The following PTTG1IP2 variants were observed in gnomAD, a reference collection of about 807,000 sequenced individuals.
PTTG1IP2 encodes the protein PTTG1IP family member 2.
At chr7:90,494,860 A>T (rs1410862882) in intron 6 of PTTG1IP2, among the ~76,000 whole-genome samples, 1 of 152,194 alleles carries the variant, frequency 6.6e-6, no homozygotes, top group Non-Finnish European at 1.5e-5. Flanking sequence ...ACAATAAAAA[A>T]TTAGCTGGGC....
intron 1 of PTTG1IP2, among the ~76,000 whole-genome samples, chr7:90,474,288 A>G (rs1488974909): frequency 6.6e-6 from 1 of 152,230 alleles, no homozygotes; most frequent in East Asian, 1.9e-4. Context: ...TGGCTGTCCT[A>G]TATGCAGTCT....
intron 6 of PTTG1IP2, among the ~76,000 whole-genome samples, chr7:90,508,176 A>G (rs1047637068): frequency 1.3e-5 from 2 of 151,796 alleles, no homozygotes; most frequent in Admixed American, 6.6e-5. Context: ...CTGAGGTGCA[A>G]CGATTGCTTC....
chr7:90,472,231 AC>A (rs1321209366), intron 1 of PTTG1IP2, among the ~76,000 whole-genome samples: 5 of 151,846 alleles, frequency 3.3e-5, no homozygotes, highest in Non-Finnish European at 7.4e-5. Context: ...AACTATGTAA[AC>A]CCTGCACAGC....
intron 6 of PTTG1IP2, among the ~76,000 whole-genome samples, chr7:90,500,533 G>C (rs1365498802): frequency 6.6e-6 from 1 of 152,196 alleles, no homozygotes; most frequent in Non-Finnish European, 1.5e-5. Context: ...TTGCCTGCAG[G>C]AGTTAACTGG....
intron 6 of PTTG1IP2, among the ~76,000 whole-genome samples, chr7:90,512,792 T>C (rs1043484596): frequency 1.3e-5 from 2 of 152,238 alleles, no homozygotes; most frequent in African/African-American, 4.8e-5. Flanking sequence ...TTTTGGACGA[T>C]ATTATTCTAC....
intron 6 of PTTG1IP2, among the ~76,000 whole-genome samples, chr7:90,507,837 AGCCTATTAT>A (rs1389310169): frequency 2.0e-5 from 3 of 152,186 alleles, no homozygotes; most frequent in Non-Finnish European, 4.4e-5. Flanking sequence ...ACCTATTATG[AGCCTATTAT>A]GTCACTGTAA....
At chr7:90,490,150 A>AT (rs1305347958) in intron 4 of PTTG1IP2, among the ~76,000 whole-genome samples, 3 of 151,978 alleles carry the variant, frequency 2.0e-5, no homozygotes, top group African/African-American at 4.8e-5. Flanking sequence ...TTTAGGGTTG[A>AT]TTTTTTCCTT....
intron 1 of PTTG1IP2, among the ~76,000 whole-genome samples, chr7:90,472,466 A>G (rs1797703220): frequency 6.6e-6 from 1 of 152,238 alleles, no homozygotes; most frequent in Non-Finnish European, 1.5e-5. Flanking sequence ...ATGAAATTAA[A>G]AGGCAGATAG....
intron 2 of PTTG1IP2, among the ~76,000 whole-genome samples, chr7:90,480,587 A>G (rs560774293): frequency 2.7e-4 from 41 of 152,224 alleles, no homozygotes; most frequent in African/African-American, 9.9e-4. Context: ...TTAAGCATAT[A>G]TTTCTAATTG....
chr7:90,510,455 A>T (rs1221123981), intron 6 of PTTG1IP2, among the ~76,000 whole-genome samples: 1 of 152,218 alleles, frequency 6.6e-6, no homozygotes, highest in African/African-American at 2.4e-5. Flanking sequence ...AGGGAGAATC[A>T]TGTACACACC....
rs371958651 is a variant in PTTG1IP2 at position 90,483,734 on chromosome 7, C to T, written c.193-3593C>T. On this transcript the variant is annotated intron_variant, in intron 2 of 6. Coordinates refer to ENST00000509356, the MANE Select transcript of PTTG1IP2 (RefSeq NM_001365443.2). ...ATTCCTTTTGGAAACTTGCTCCTTC[C>T]TTGGCAATCTTGGCTTTATACAGGC... is the stretch of plus-strand genomic sequence containing the variant. Among the ~76,000 whole-genome samples, 96 of 152,288 alleles carry T rather than the reference C, an allele frequency of 6.3e-4. 1 individual carries two copies. The highest frequency in any genetic ancestry group is 2.3e-3 in the African/African-American group (94 of 41,560).
At chr7:90,506,008 A>G (rs78889238) in intron 6 of PTTG1IP2, among the ~76,000 whole-genome samples, 2 of 138,264 alleles carry the variant, frequency 1.4e-5, no homozygotes, top group Non-Finnish European at 3.0e-5. Context: ...AAAAAAAAAA[A>G]AAAAAAAAAA....
At chr7:90,492,058 G>A (rs941517120) in intron 4 of PTTG1IP2, among the ~76,000 whole-genome samples, 181 bp from the exon 5 acceptor site, 5 of 152,112 alleles carry the variant, frequency 3.3e-5, no homozygotes, top group Admixed American at 2.6e-4. Flanking sequence ...TTGAACCCAG[G>A]AGGTGGAGGT....
At chr7:90,495,544 C>A (rs1276475880) in intron 6 of PTTG1IP2, among the ~76,000 whole-genome samples, 3 of 152,176 alleles carry the variant, frequency 2.0e-5, no homozygotes, top group Admixed American at 2.0e-4. Context: ...CCTACATCCA[C>A]CTGCACAGAA....
At chr7:90,512,846 T>C (rs1359837473) in intron 6 of PTTG1IP2, among the ~76,000 whole-genome samples, 2 of 152,224 alleles carry the variant, frequency 1.3e-5, no homozygotes. Flanking sequence ...ACAGGACTTC[T>C]TTCTTAGCAG....
chr7:90,482,269 A>G (rs7779640), intron 2 of PTTG1IP2, among the ~76,000 whole-genome samples: 4,541 of 152,178 alleles, frequency 0.03, 231 homozygotes, highest in African/African-American at 0.1. Context: ...GTCTTGGTAT[A>G]TTGTGCTACT....
chr7:90,504,442 T>C (rs950828391), intron 6 of PTTG1IP2, among the ~76,000 whole-genome samples: 2 of 152,164 alleles, frequency 1.3e-5, no homozygotes, highest in South Asian at 4.1e-4. Flanking sequence ...AAACTTTCTT[T>C]ATAAAGGTCC....
chr7:90,470,382 A>G (rs1199535480), intron 1 of PTTG1IP2: 5 of 152,200 alleles, frequency 3.3e-5, no homozygotes, highest in Non-Finnish European at 5.9e-5. Context: ...TTTCCTTCCA[A>G]ATTGAAAAAA....
At chr7:90,498,216 G>A (rs1438396804) in intron 6 of PTTG1IP2, among the ~76,000 whole-genome samples, 3 of 152,018 alleles carry the variant, frequency 2.0e-5, no homozygotes, top group Non-Finnish European at 2.9e-5. Flanking sequence ...TAGTAGAGAC[G>A]GGGTTTCACT....
Sources: allele counts gnomAD v4.1 joint callset (sites outside exome capture counted in the v4.1 genomes callset), GRCh38; gene constraint gnomAD v4.1.1; transcripts MANE v1.5; gene names NCBI Gene and HGNC (gene_info 2026-07-23, HGNC 2026-07-21).